The following ALX4 variants were observed in gnomAD, a reference collection of about 807,000 sequenced individuals.
ALX4 encodes the protein ALX homeobox 4.
A neutral mutation model predicts 40.6 loss-of-function variants in ALX4; 22 were observed. The observed-to-expected ratio is 0.54, with a 90% CI of 0.39 to 0.77. The LOEUF (loss-of-function observed/expected upper bound fraction) is 0.77, where lower values mean the gene tolerates loss of function less well. Among genes scored for constraint, ALX4 ranks in the 30% least tolerant of loss-of-function variants. ALX4 has a pLI of 0.00. For synonymous variants in ALX4, 266 were observed against 240.5 expected (o/e 1.11, Z -0.98); for missense variants, 556 against 564.8 (o/e 0.98, Z 0.16).
chr11:44,309,569 G>A, intron 1 of ALX4, 28 bp downstream of exon 1: 2 of 1,557,484 alleles, frequency 1.3e-6, no homozygotes, highest in Non-Finnish European at 1.7e-6. Flanking sequence ...GTGGTCCCCA[G>A]CACCAGGTGA....
chr11:44,289,530 G>A (rs1321442610), intron 1 of ALX4, among the ~76,000 whole-genome samples: 1 of 152,186 alleles, frequency 6.6e-6, no homozygotes, highest in Non-Finnish European at 1.5e-5. Context: ...GGGGCAGACT[G>A]GATGGTCCCA....
chr11:44,289,254 C>T (rs1565006074), intron 1 of ALX4, among the ~76,000 whole-genome samples: 1 of 152,160 alleles, frequency 6.6e-6, no homozygotes, highest in Admixed American at 6.5e-5. Context: ...TATGGTAAAA[C>T]AAGATACCAA....
At chr11:44,267,346 G>T in intron 3 of ALX4, 148 bp downstream of exon 3, 1 of 1,047,576 alleles carries the variant, frequency 9.5e-7, no homozygotes, top group Non-Finnish European at 1.4e-6. Flanking sequence ...CCCACACTCT[G>T]GTATAAACAG....
intron 1 of ALX4, among the ~76,000 whole-genome samples, chr11:44,308,716 T>C (rs1956484396): frequency 6.6e-6 from 1 of 152,232 alleles, no homozygotes; most frequent in Non-Finnish European, 1.5e-5. Context: ...GGAGGTCATT[T>C]AGGCCAGCTC....
At chr11:44,283,202 A>G (rs1298334150) in intron 1 of ALX4, among the ~76,000 whole-genome samples, 2 of 151,060 alleles carry the variant, frequency 1.3e-5, no homozygotes, top group Non-Finnish European at 2.9e-5. Flanking sequence ...AACTGAGATC[A>G]TGCCATTGCA....
intron 1 of ALX4, among the ~76,000 whole-genome samples, chr11:44,291,735 C>A (rs1281197620): frequency 2.6e-5 from 4 of 152,190 alleles, no homozygotes. Flanking sequence ...CCTGCAGAAG[C>A]AGCATATGAT....
chr11:44,272,482 C>A (rs558540286), intron 2 of ALX4, among the ~76,000 whole-genome samples: 2 of 138,424 alleles, frequency 1.4e-5, no homozygotes, highest in South Asian at 2.3e-4. Context: ...CCAGCCTGGG[C>A]GACAGAACAA....
intron 1 of ALX4, among the ~76,000 whole-genome samples, chr11:44,283,636 C>T (rs1956322255): frequency 6.6e-6 from 1 of 152,204 alleles, no homozygotes; most frequent in Non-Finnish European, 1.5e-5. Flanking sequence ...TCGATCTCGG[C>T]TCACTGCAAC....
chr11:44,306,367 G>A (rs555969404), intron 1 of ALX4, among the ~76,000 whole-genome samples: 268 of 152,322 alleles, frequency 1.8e-3, no homozygotes, highest in Non-Finnish European at 3.1e-3. Flanking sequence ...CGGCTTCCCC[G>A]CCCCGCACTC....
At chr11:44,281,739 A>T (rs1011696915) in intron 1 of ALX4, among the ~76,000 whole-genome samples, 6 of 152,058 alleles carry the variant, frequency 3.9e-5, no homozygotes, top group Non-Finnish European at 7.4e-5. Context: ...ACCTCATCTG[A>T]CACTGGGGTC....
intron 1 of ALX4, among the ~76,000 whole-genome samples, chr11:44,309,083 C>G (rs1276589918): frequency 6.6e-6 from 1 of 151,736 alleles, no homozygotes; most frequent in African/African-American, 2.4e-5. Context: ...ACCTGCGGCG[C>G]TCTCACCTGC....
rs574989828 is a variant in ALX4, at chr11:44,264,754, C to A, written c.*100G>T. On this transcript the variant is annotated 3_prime_UTR_variant, in exon 4 of 4. Transcript: ENST00000652299. ...CTGAGGGTCAGGCCCCTGGCCCAGG[C>A]CAGGTTCCTAAGAGGAAAGTCGAGT... is the stretch of plus-strand genomic sequence containing the variant. 19 of 1,391,610 alleles carry A rather than the reference C, an allele frequency of 1.4e-5. No homozygotes were observed. The highest frequency in any genetic ancestry group is 4.3e-5 in the African/African-American group (3 of 70,502). 86.2% of individuals were successfully genotyped at this position (1,391,610 alleles called of 1,614,324 possible). A position where few individuals can be genotyped will look rare whatever the true frequency, so the allele number is the denominator to read the frequency against.
chr11:44,305,904 A>G (rs1263978547), intron 1 of ALX4, among the ~76,000 whole-genome samples: 7 of 152,282 alleles, frequency 4.6e-5, no homozygotes, highest in Admixed American at 2.6e-4. Context: ...GTCTCGGGAC[A>G]GGTAGACTAG....
At chr11:44,287,982 G>A (rs1355072076) in intron 1 of ALX4, among the ~76,000 whole-genome samples, 1 of 152,032 alleles carries the variant, frequency 6.6e-6, no homozygotes. Flanking sequence ...CTCTTTTTTT[G>A]TTTGTTTGTT....
chr11:44,296,989 A>G (rs910274476), intron 1 of ALX4, among the ~76,000 whole-genome samples: 9 of 143,864 alleles, frequency 6.3e-5, no homozygotes, highest in Non-Finnish European at 1.4e-4. Flanking sequence ...AGCCTGGGCA[A>G]CAAGAGTGAA....
chr11:44,276,775 C>A (rs1956280548), intron 1 of ALX4, among the ~76,000 whole-genome samples: 1 of 152,308 alleles, frequency 6.6e-6, no homozygotes, highest in South Asian at 2.1e-4. Context: ...GCATCAGATT[C>A]TCTTAAGGAG....
chr11:44,302,029 C>T (rs886232853), intron 1 of ALX4, among the ~76,000 whole-genome samples: 5 of 152,284 alleles, frequency 3.3e-5, no homozygotes, highest in East Asian at 1.9e-4. Context: ...GCCTGCCACT[C>T]GGTGAGTCAG....
intron 1 of ALX4, among the ~76,000 whole-genome samples, chr11:44,296,592 A>C (rs572601107): frequency 6.6e-6 from 1 of 152,364 alleles, no homozygotes; most frequent in African/African-American, 2.4e-5. Flanking sequence ...AATTCCTATG[A>C]CTGAAGAACA....
chr11:44,305,604 G>C (rs1956461915), intron 1 of ALX4, among the ~76,000 whole-genome samples: 1 of 152,186 alleles, frequency 6.6e-6, no homozygotes, highest in Non-Finnish European at 1.5e-5. Flanking sequence ...ATACGACCCC[G>C]GCAGAATTTA....
Sources: allele counts gnomAD v4.1 joint callset (sites outside exome capture counted in the v4.1 genomes callset), GRCh38; gene constraint gnomAD v4.1.1; transcripts MANE v1.5; gene names NCBI Gene and HGNC (gene_info 2026-07-23, HGNC 2026-07-21).